Variants in NHS observed in about 807,000 individuals in gnomAD.
NHS encodes the protein NHS actin remodeling regulator.
Under a neutral mutation model 72.5 loss-of-function variants are expected in NHS, and 5 were observed. That is an observed-to-expected ratio of 0.07 (90% CI 0.04 to 0.14). The LOEUF is 0.14. Ranked by LOEUF, NHS falls within the 10% of genes least tolerant of loss-of-function variation. NHS has a pLI of 1.00. For synonymous variants in NHS, 464 were observed against 547.7 expected, an observed-to-expected ratio of 0.85 and a Z score of 2.13; for missense variants, 1,072 against 1,355.7, an observed-to-expected ratio of 0.79 and a Z score of 3.29.
intron 1 of NHS, among the ~76,000 whole-genome samples, chrX:17,403,821 C>T (rs927521833): frequency 9.0e-6 from 1 of 111,580 alleles, no homozygotes; most frequent in African/African-American, 3.3e-5. Context: ...TCACTCCTGG[C>T]CACATCTGCT....
At chrX:17,423,796 G>A (rs188029979) in intron 1 of NHS, among the ~76,000 whole-genome samples, 1 of 112,489 alleles carries the variant, frequency 8.9e-6, no homozygotes, top group Non-Finnish European at 1.9e-5. Context: ...GAAGTGCTAA[G>A]TATTAAGGCA....
intron 1 of NHS, among the ~76,000 whole-genome samples, chrX:17,676,892 A>G (rs2066085380): frequency 8.9e-6 from 1 of 112,242 alleles, no homozygotes. Context: ...AACTATTGAG[A>G]TAGTTTTTTA....
intron 1 of NHS, among the ~76,000 whole-genome samples, chrX:17,570,046 G>A (rs993467302): frequency 8.9e-6 from 1 of 111,826 alleles, no homozygotes; most frequent in African/African-American, 3.3e-5. Context: ...TTTGGTACCA[G>A]TAGCATGCTG....
At chrX:17,700,746 T>C (rs7880420) in intron 3 of NHS, among the ~76,000 whole-genome samples, 15,463 of 111,095 alleles carry the variant, frequency 0.14, 1,907 homozygotes, top group African/African-American at 0.36. Context: ...TTACAAGATG[T>C]TGGAAACAAC....
At chrX:17,676,529 C>T (rs1446828447) in intron 1 of NHS, among the ~76,000 whole-genome samples, 1 of 112,565 alleles carries the variant, frequency 8.9e-6, no homozygotes, top group East Asian at 2.8e-4. Context: ...TATTTTTAAC[C>T]CTTGTTAAAC....
intron 1 of NHS, among the ~76,000 whole-genome samples, chrX:17,440,690 T>C (rs1392904115): frequency 1.8e-5 from 2 of 111,879 alleles, no homozygotes; most frequent in Non-Finnish European, 3.8e-5. Flanking sequence ...TGGAAGGAAA[T>C]TCCTTGTTTT....
intron 1 of NHS, among the ~76,000 whole-genome samples, chrX:17,506,984 G>T (rs1215090532): frequency 8.9e-6 from 1 of 111,995 alleles, no homozygotes; most frequent in Non-Finnish European, 1.9e-5. Context: ...CAGATTAGAT[G>T]ACTAATCTTG....
At chrX:17,496,953 C>T (rs1336335884) in intron 1 of NHS, among the ~76,000 whole-genome samples, 1 of 111,675 alleles carries the variant, frequency 9.0e-6, no homozygotes. Context: ...ATGGGAAAAC[C>T]CTGGCGGAAG....
At chrX:17,498,792 C>A (rs867597336) in intron 1 of NHS, among the ~76,000 whole-genome samples, 1 of 111,157 alleles carries the variant, frequency 9.0e-6, no homozygotes, top group Non-Finnish European at 1.9e-5. Context: ...ATAGCTGTGT[C>A]GAAATAAATA....
At chrX:17,488,899 G>A (rs769543286) in intron 1 of NHS, among the ~76,000 whole-genome samples, 2 of 110,343 alleles carry the variant, frequency 1.8e-5, no homozygotes, top group South Asian at 7.7e-4. Context: ...CCATCAACCC[G>A]TCATCTACAT....
At chrX:17,493,344 C>A (rs936605559) in intron 1 of NHS, among the ~76,000 whole-genome samples, 34 of 112,244 alleles carry the variant, frequency 3.0e-4, no homozygotes, top group Non-Finnish European at 5.3e-4. Flanking sequence ...GAAGTGTGGA[C>A]TGGGGTCAGA....
intron 1 of NHS, among the ~76,000 whole-genome samples, chrX:17,415,979 G>A (rs1281139654): frequency 9.0e-6 from 1 of 111,476 alleles, no homozygotes; most frequent in Non-Finnish European, 1.9e-5. Context: ...AGTAAAGTTG[G>A]CATGCTATGA....
At chrX:17,498,224 A>G (rs940351293) in intron 1 of NHS, among the ~76,000 whole-genome samples, 1 of 111,944 alleles carries the variant, frequency 8.9e-6, no homozygotes, top group East Asian at 2.8e-4. Context: ...GGTCTTTCCA[A>G]TGGAAACGCC....
intron 1 of NHS, among the ~76,000 whole-genome samples, chrX:17,445,231 C>T (rs1288620830): frequency 1.8e-5 from 2 of 111,501 alleles, no homozygotes; most frequent in Non-Finnish European, 3.8e-5. Flanking sequence ...GGGAAGCCCA[C>T]ACAAGATGGG....
chrX:17,661,019 C>T (rs926989317), intron 1 of NHS, among the ~76,000 whole-genome samples: 4 of 112,097 alleles, frequency 3.6e-5, no homozygotes, highest in African/African-American at 1.3e-4. Flanking sequence ...TTGATTCTTT[C>T]TTCATCCTGA....
At chrX:17,640,152 C>A (rs2065873695) in intron 1 of NHS, among the ~76,000 whole-genome samples, 1 of 111,357 alleles carries the variant, frequency 9.0e-6, no homozygotes. Context: ...TGCAGAACTC[C>A]ACTGTATATA....
chrX:17,623,666 T>C (rs1234447217), intron 1 of NHS, among the ~76,000 whole-genome samples: 1 of 111,832 alleles, frequency 8.9e-6, no homozygotes, highest in Non-Finnish European at 1.9e-5. Flanking sequence ...TTGGAAGTGA[T>C]AGAGATGGCA....
rs1289924358 is a variant in NHS, at chrX:17,718,038, TGTAGTA to T, written c.853-1301_853-1296del. On this transcript the variant is annotated intron_variant, in intron 3 of 8. Transcript: ENST00000676302. The stretch of plus-strand genomic sequence containing the variant: ...TAAGTACATTAATAATAATAATTGT[TGTAGTA>T]GTAGCTGGCACTAATGTACAGCATT... Among the ~76,000 whole-genome samples the T allele has an allele frequency of 7.2e-5, 8 of 111,490 alleles. No homozygotes were observed. In the East Asian group the frequency reaches 2.0e-3, roughly 28 times the overall value.
At chrX:17,572,491 CTT>C (rs760577193) in intron 1 of NHS, among the ~76,000 whole-genome samples, 116 of 46,746 alleles carry the variant, frequency 2.5e-3, no homozygotes, top group African/African-American at 0.014. Context: ...GCAACCCCTG[CTT>C]TTTTTTTTTT....
Sources: gnomAD v4.1 joint callset for allele counts (sites outside exome capture counted in the v4.1 genomes callset) on GRCh38, gnomAD v4.1.1 for gene constraint, MANE v1.5 for transcripts, NCBI Gene and HGNC (gene_info 2026-07-23, HGNC 2026-07-21) for gene names.